The following NR2C2 variants were observed in gnomAD, a reference collection of about 807,000 sequenced individuals.
NR2C2 encodes nuclear receptor subfamily 2 group C member 2.
In NR2C2, 6 loss-of-function variants were observed where a neutral mutation model predicts 62.9. That is an observed-to-expected ratio of 0.10 (90% CI 0.05 to 0.19). NR2C2 has a LOEUF of 0.19. NR2C2 is among the 10% of genes least tolerant of loss of function. NR2C2 has a pLI of 1.00. For missense variants in NR2C2, 479 were observed against 762.7 expected, an observed-to-expected ratio of 0.63 and a Z score of 4.38; for synonymous variants, 272 against 273.8, an observed-to-expected ratio of 0.99 and a Z score of 0.07.
At chr3:14,967,803 C>G (rs1042025975) in intron 1 of NR2C2, among the ~76,000 whole-genome samples, 5 of 152,186 alleles carry the variant, frequency 3.3e-5, no homozygotes, top group South Asian at 4.1e-4. Context: ...TAGATCAATG[C>G]AACAGAACAG....
At chr3:14,966,185 C>G (rs1312672316) in intron 1 of NR2C2, among the ~76,000 whole-genome samples, 1 of 152,162 alleles carries the variant, frequency 6.6e-6, no homozygotes, top group Non-Finnish European at 1.5e-5. Flanking sequence ...TAATTGTTTA[C>G]TCAATCAGCA....
intron 2 of NR2C2, among the ~76,000 whole-genome samples, chr3:15,013,251 G>C (rs759597725): frequency 6.6e-6 from 1 of 152,140 alleles, no homozygotes; most frequent in Admixed American, 6.6e-5. Flanking sequence ...AAAGAGTTAG[G>C]ATTGCCTACA....
chr3:15,007,636 T>G (rs1451963584), intron 2 of NR2C2, among the ~76,000 whole-genome samples: 1 of 152,126 alleles, frequency 6.6e-6, no homozygotes, highest in Admixed American at 6.6e-5. Flanking sequence ...TCTGACAGAG[T>G]AGCCCCTCAG....
At chr3:15,042,626 T>C in intron 13 of NR2C2, 1 of 525,412 alleles carries the variant, frequency 1.9e-6, no homozygotes, top group Non-Finnish European at 3.4e-6. Context: ...AGGGAACACA[T>C]CTGTACATAC....
At chr3:14,958,415 A>T (rs568248405) in intron 1 of NR2C2, among the ~76,000 whole-genome samples, 8 of 150,540 alleles carry the variant, frequency 5.3e-5, no homozygotes, top group African/African-American at 1.7e-4. Context: ...CCTAAACATT[A>T]TTGTGGGGGT....
chr3:15,001,234 G>A (rs887653198), intron 1 of NR2C2, among the ~76,000 whole-genome samples: 2 of 151,052 alleles, frequency 1.3e-5, no homozygotes. Flanking sequence ...TGCATGGTCA[G>A]TGGGATTGCT....
intron 9 of NR2C2, among the ~76,000 whole-genome samples, chr3:15,031,128 T>C (rs1424683829): frequency 1.3e-5 from 2 of 152,164 alleles, no homozygotes; most frequent in East Asian, 3.9e-4. Context: ...TTGTCTCTTC[T>C]CTGTGTCATA....
intron 1 of NR2C2, among the ~76,000 whole-genome samples, chr3:14,976,303 C>G (rs942520444): frequency 5.3e-5 from 8 of 152,142 alleles, no homozygotes; most frequent in Admixed American, 1.3e-4. Flanking sequence ...CTCTTCCCTC[C>G]CAATAAAATT....
chr3:15,026,176 G>C, intron 7 of NR2C2: 1 of 151,882 alleles, frequency 6.6e-6, no homozygotes, highest in East Asian at 1.9e-4. Context: ...ACAGCACCAC[G>C]CCTGGCTAAT....
rs878900537 is a variant in NR2C2, at chr3:15,037,874, C to T, written c.1373-126C>T. The T allele has an allele frequency of 7.7e-6, 8 of 1,040,260 alleles. No homozygotes were observed. The Admixed American group carries it at 2.0e-4, about 26-fold the overall frequency. 64.4% of individuals were successfully genotyped at this position (1,040,260 alleles called of 1,614,324 possible). ...GCTGGAAAATGAAGCTCTTGTTCAC[C>T]TTGAGATTACTGATTTTTCATTAAA... On this transcript the variant is annotated intron_variant, in intron 11 of 13. Coordinates refer to ENST00000425241, the MANE Select transcript of NR2C2 (RefSeq NM_001291694.2).
rs762221262 is a variant in NR2C2 at position 15,016,200 on chromosome 3, G to A, written c.322G>A (p.Val108Ile). The A allele has an allele frequency of 9.3e-6, 15 of 1,614,008 alleles. No homozygotes were observed. Among genetic ancestry groups the A allele is most frequent in the African/African-American group, 4.0e-5 (3 of 74,902 alleles). ...GGAGCGTTTACTGGGGAAGACGGACGTCCAGCGGCCCCAGGTGGTAGAGTA... is the reference window on the plus strand; with the variant it reads ...GGAGCGTTTACTGGGGAAGACGGACATCCAGCGGCCCCAGGTGGTAGAGTA... ...SVERLLGKTD[V>I]QRPQVVEYCV... is the part of the protein sequence containing the mutation. Residue 108 changes from valine (V) to isoleucine (I), a missense_variant, in exon 4 of 14, where the codon GTC (valine) becomes ATC (isoleucine). Val to Ile is a conservative substitution (Grantham distance 29, BLOSUM62 3). Around this residue, in one of 4 missense-constraint regions of NR2C2, gnomAD observed 115 missense variants for 152.3 expected, o/e 0.76. Transcript: ENST00000425241.
intron 12 of NR2C2, chr3:15,038,637 C>G (rs17040683): frequency 0.038 from 6,328 of 167,006 alleles, 451 homozygotes; most frequent in African/African-American, 0.14. Context: ...ATTAACTGTT[C>G]TCTCAAGTCC....
Position 15,003,979 on chromosome 3 carries a change from G to A in NR2C2, c.65G>A (p.Arg22His), listed in dbSNP as rs199933863. ...STDSAVASPQ[R>H]IQIVTDQQTG... is the part of the protein sequence containing the mutation. ...GACTCTGCTGTAGCCTCACCTCAGCGCATTCAGGTACCTGCAACCTGCCAA... is the reference window on the plus strand; with the variant it reads ...GACTCTGCTGTAGCCTCACCTCAGCACATTCAGGTACCTGCAACCTGCCAA... The change falls in exon 2 of 14, where the codon CGC becomes CAC. Residue 22 changes from arginine (R) to histidine (H), a missense_variant. Arg to His is a conservative substitution (Grantham distance 29). Around this residue, in one of 4 missense-constraint regions of NR2C2, gnomAD observed 115 missense variants for 152.3 expected, o/e 0.76. Transcript: ENST00000425241. 1.4e-5 allele frequency: 22 copies of A among 1,607,108 alleles called. No homozygotes were observed. The highest frequency in any genetic ancestry group is 2.7e-5 in the African/African-American group (2 of 74,536).
intron 1 of NR2C2, among the ~76,000 whole-genome samples, chr3:14,982,014 G>A (rs536196213): frequency 1.7e-4 from 26 of 152,172 alleles, no homozygotes; most frequent in Non-Finnish European, 3.7e-4. Flanking sequence ...TGTTAATCTC[G>A]TTTGGCAACA....
intron 1 of NR2C2, among the ~76,000 whole-genome samples, chr3:15,001,495 G>A (rs988433234): frequency 1.3e-5 from 2 of 151,672 alleles, no homozygotes; most frequent in South Asian, 2.1e-4. Flanking sequence ...CATCATACCC[G>A]GCTTATTTTT....
At chr3:15,030,957 C>T (rs887323766) in intron 9 of NR2C2, among the ~76,000 whole-genome samples, 1 of 152,198 alleles carries the variant, frequency 6.6e-6, no homozygotes, top group Non-Finnish European at 1.5e-5. Flanking sequence ...CTTCACTTGT[C>T]TTTTGCTCAC....
At chr3:15,002,675 T>TTTTTTTTA (rs2041049058) in intron 1 of NR2C2, among the ~76,000 whole-genome samples, 1 of 114,618 alleles carries the variant, frequency 8.7e-6, no homozygotes, top group African/African-American at 3.2e-5. Flanking sequence ...TTTTTTTTTT[T>TTTTTTTTA]GAGACAAAGT....
At chr3:14,965,944 C>T (rs2039841356) in intron 1 of NR2C2, among the ~76,000 whole-genome samples, 1 of 152,334 alleles carries the variant, frequency 6.6e-6, no homozygotes, top group East Asian at 1.9e-4. Context: ...GCTGGGATTA[C>T]AGGCGTGAGC....
At chr3:15,006,489 C>CAGGT (rs2041175496) in intron 2 of NR2C2, among the ~76,000 whole-genome samples, 1 of 151,916 alleles carries the variant, frequency 6.6e-6, no homozygotes, top group Non-Finnish European at 1.5e-5. Context: ...TGTGAGTGGG[C>CAGGT]AGGTGGGTAT....
Sources: gnomAD v4.1 joint callset for allele counts (sites outside exome capture counted in the v4.1 genomes callset) on GRCh38, gnomAD v4.1.1 for gene constraint, gnomAD v4.1.1 regional missense constraint, MANE v1.5 for transcripts, NCBI Gene and HGNC (gene_info 2026-07-23, HGNC 2026-07-21) for gene names.